The following RGS6 variants were observed in gnomAD, a reference collection of about 807,000 sequenced individuals.
RGS6 encodes the protein regulator of G protein signaling 6.
In RGS6, 30 loss-of-function variants were observed where a neutral mutation model predicts 78.5. The ratio of observed to expected loss-of-function variants is 0.38; its 90% CI spans 0.29 to 0.52. The LOEUF (loss-of-function observed/expected upper bound fraction) is 0.52, where lower values mean the gene tolerates loss of function less well. Ranked by LOEUF, RGS6 falls within the 20% of genes least tolerant of loss-of-function variation. RGS6 has a pLI of 0.85. For missense variants in RGS6, 495 were observed against 609.7 expected, an observed-to-expected ratio of 0.81 and a Z score of 1.98; for synonymous variants, 206 against 206.0, an observed-to-expected ratio of 1.00 and a Z score of 0.00.
At chr14:72,392,451 C>G (rs1382055911) in intron 3 of RGS6, among the ~76,000 whole-genome samples, 1 of 152,048 alleles carries the variant, frequency 6.6e-6, no homozygotes, top group Non-Finnish European at 1.5e-5. Context: ...CTATAGTTGT[C>G]CTACAGGATA....
intron 2 of RGS6, among the ~76,000 whole-genome samples, chr14:72,039,809 A>T (rs1371152199): frequency 2.9e-3 from 99 of 33,678 alleles, no homozygotes; most frequent in South Asian, 5.1e-3. Context: ...TTTGTGTTTC[A>T]TTGATTTTTT....
intron 17 of RGS6, among the ~76,000 whole-genome samples, chr14:72,544,214 T>C (rs2097363004): frequency 6.6e-6 from 1 of 152,222 alleles, no homozygotes. Flanking sequence ...AGATAGATAC[T>C]GGCTGAAGCC....
chr14:72,331,094 A>T (rs1359105737), intron 2 of RGS6, among the ~76,000 whole-genome samples: 2 of 152,144 alleles, frequency 1.3e-5, no homozygotes, highest in Non-Finnish European at 2.9e-5. Context: ...TTCCGCCAGG[A>T]TTCTGTTAGA....
chr14:72,299,374 G>A (rs2065574122), intron 2 of RGS6, among the ~76,000 whole-genome samples: 2 of 152,142 alleles, frequency 1.3e-5, no homozygotes, highest in South Asian at 4.2e-4. Flanking sequence ...ATAATAAGTG[G>A]TCTTTTGAGA....
At chr14:72,336,160 T>C (rs1335255454) in intron 2 of RGS6, among the ~76,000 whole-genome samples, 1 of 152,220 alleles carries the variant, frequency 6.6e-6, no homozygotes, top group Non-Finnish European at 1.5e-5. Context: ...ATCTCTCAAA[T>C]TGTGTGTTGT....
chr14:72,487,472 G>A (rs973398607), intron 12 of RGS6, among the ~76,000 whole-genome samples: 4 of 152,314 alleles, frequency 2.6e-5, no homozygotes, highest in Middle Eastern at 6.8e-3. Flanking sequence ...GTGGACTTAA[G>A]GTTGCTAATC....
chr14:72,560,797 C>CGTGTGTGTGTGTGTGTGTGT (rs57504072), intron 17 of RGS6, among the ~76,000 whole-genome samples: 5 of 141,224 alleles, frequency 3.5e-5, no homozygotes, highest in Non-Finnish European at 7.8e-5. Context: ...ATTTTGTGGA[C>CGTGTGTGTGTGTGTGTGTGT]GTGTGTGTGT....
the RGS6 span, among the ~76,000 whole-genome samples, chr14:71,884,079 T>C: frequency 6.6e-6 from 1 of 152,232 alleles, no homozygotes; most frequent in Admixed American, 6.5e-5. Flanking sequence ...TCAAATTCTT[T>C]CTTGTGTGAG....
chr14:72,316,456 G>T (rs759588171), intron 2 of RGS6, among the ~76,000 whole-genome samples: 1 of 152,020 alleles, frequency 6.6e-6, no homozygotes, highest in African/African-American at 2.4e-5. Flanking sequence ...CTCATCATTC[G>T]TGTCCCACCT....
At chr14:72,278,954 T>A (rs892842063) in intron 2 of RGS6, among the ~76,000 whole-genome samples, 14 of 152,208 alleles carry the variant, frequency 9.2e-5, no homozygotes, top group African/African-American at 3.4e-4. Context: ...ACCTCTTCTT[T>A]GTGCACATGT....
chr14:72,602,197 C>G, the RGS6 span, among the ~76,000 whole-genome samples: 4 of 152,214 alleles, frequency 2.6e-5, no homozygotes, highest in Non-Finnish European at 4.4e-5. Flanking sequence ...CTTTCCTCGG[C>G]CCTGTTCTGC....
chr14:71,952,882 A>G (rs1242781775), intron 1 of RGS6, among the ~76,000 whole-genome samples: 1 of 152,178 alleles, frequency 6.6e-6, no homozygotes, highest in African/African-American at 2.4e-5. Flanking sequence ...AAAAAGAAAA[A>G]GCCAATAGGA....
chr14:72,260,128 A>T (rs1246736804), intron 2 of RGS6, among the ~76,000 whole-genome samples: 1 of 152,150 alleles, frequency 6.6e-6, no homozygotes, highest in East Asian at 1.9e-4. Flanking sequence ...ACATGTTTTA[A>T]GTATGCTTTT....
intron 2 of RGS6, among the ~76,000 whole-genome samples, chr14:72,288,141 A>T (rs563524402): frequency 3.3e-5 from 5 of 152,098 alleles, no homozygotes; most frequent in African/African-American, 4.8e-5. Context: ...TCCTTCAGTT[A>T]TTTTTTTAAG....
intron 2 of RGS6, among the ~76,000 whole-genome samples, chr14:72,136,324 T>C (rs2096440093): frequency 6.6e-6 from 1 of 152,134 alleles, no homozygotes; most frequent in Non-Finnish European, 1.5e-5. Context: ...ATGTGGTTTA[T>C]GGTAGGTGTT....
At chr14:72,136,309 C>T (rs1051824022) in intron 2 of RGS6, among the ~76,000 whole-genome samples, 92 of 151,828 alleles carry the variant, frequency 6.1e-4, no homozygotes, top group Admixed American at 2.7e-3. Context: ...TAGCATAGAG[C>T]GAATATGTGG....
At chr14:71,922,738 A>T in the RGS6 span, among the ~76,000 whole-genome samples, 3 of 152,156 alleles carry the variant, frequency 2.0e-5, no homozygotes, top group African/African-American at 7.2e-5. Context: ...TTAGTCTTTT[A>T]AAAAAATTAT....
intron 2 of RGS6, among the ~76,000 whole-genome samples, chr14:71,972,631 G>T (rs1171145989): frequency 6.6e-6 from 1 of 152,154 alleles, no homozygotes; most frequent in South Asian, 2.1e-4. Flanking sequence ...AGGTCAATGG[G>T]TGATCGATGT....
At chr14:72,329,074 A>G (rs1008716476) in intron 2 of RGS6, among the ~76,000 whole-genome samples, 4 of 152,218 alleles carry the variant, frequency 2.6e-5, no homozygotes, top group South Asian at 2.1e-4. Flanking sequence ...GCGTTTCACC[A>G]TGTTGGTCAG....
Sources: gnomAD v4.1 joint callset for allele counts (sites outside exome capture counted in the v4.1 genomes callset) on GRCh38, gnomAD v4.1.1 for gene constraint, MANE v1.5 for transcripts, NCBI Gene and HGNC (gene_info 2026-07-23, HGNC 2026-07-21) for gene names.